Variants in MYBPC1 observed in about 807,000 individuals in gnomAD.
MYBPC1 encodes the protein myosin binding protein C1, also known as myosin-binding protein C, slow-type.
MYBPC1 carries 52 observed loss-of-function variants against 147.1 expected under a neutral mutation model. The ratio of observed to expected loss-of-function variants is 0.35; its 90% confidence interval spans 0.28 to 0.45. The LOEUF is 0.45. Among genes scored for constraint, MYBPC1 ranks in the 20% least tolerant of loss-of-function variants. The pLI, the probability that MYBPC1 is intolerant of heterozygous loss-of-function variation, is 1.00. For missense variants in MYBPC1, 1,228 were observed against 1,440.3 expected (o/e 0.85, Z 2.39); for synonymous variants, 477 against 475.9 (o/e 1.00, Z -0.03).
At chr12:101,695,407 T>C in the MYBPC1 span, among the ~76,000 whole-genome samples, 1 of 152,212 alleles carries the variant, frequency 6.6e-6, no homozygotes, top group Admixed American at 6.5e-5. Flanking sequence ...CTACTCAGAA[T>C]GGCATGCAAT....
At chr12:101,617,129 T>C (rs1421903084) in intron 2 of MYBPC1, 73 bp from the exon 3 acceptor site, 10 of 1,426,972 alleles carry the variant, frequency 7.0e-6, no homozygotes, top group Non-Finnish European at 9.9e-6. Context: ...CCTCCCCCTC[T>C]CCACCCCGTT....
At chr12:101,676,572 T>C (rs911498270) in intron 26 of MYBPC1, among the ~76,000 whole-genome samples, 2 of 151,822 alleles carry the variant, frequency 1.3e-5, no homozygotes, top group Admixed American at 6.6e-5. Context: ...CTGGACAACA[T>C]AGGGAGACCT....
chr12:101,647,637 C>T (rs1210555863), intron 13 of MYBPC1, among the ~76,000 whole-genome samples: 1 of 152,068 alleles, frequency 6.6e-6, no homozygotes, highest in African/African-American at 2.4e-5. Flanking sequence ...TCTATAATAC[C>T]AGCACTTTGG....
chr12:101,641,396 C>T (rs549246802), intron 10 of MYBPC1, among the ~76,000 whole-genome samples: 31 of 152,158 alleles, frequency 2.0e-4, no homozygotes, highest in Non-Finnish European at 3.5e-4. Context: ...TTATACTAAG[C>T]CTGTTTTCCA....
At chr12:101,605,719 G>A (rs1471019675) in intron 1 of MYBPC1, among the ~76,000 whole-genome samples, 5 of 151,998 alleles carry the variant, frequency 3.3e-5, no homozygotes, top group Non-Finnish European at 4.4e-5. Context: ...AAAATTAGCT[G>A]AGCGTGGTGG....
chr12:101,642,671 C>G (rs749378094), intron 11 of MYBPC1, 86 bp downstream of exon 11: 1 of 1,458,366 alleles, frequency 6.9e-7, no homozygotes, highest in Non-Finnish European at 9.3e-7. Flanking sequence ...CGAGCTCCTT[C>G]CAGTCTCCCG....
At chr12:101,656,087 C>G (rs1895493838) in intron 18 of MYBPC1, among the ~76,000 whole-genome samples, 1 of 152,012 alleles carries the variant, frequency 6.6e-6, no homozygotes, top group Non-Finnish European at 1.5e-5. Flanking sequence ...ACATGCACTA[C>G]TTGTGAACCA....
intron 1 of MYBPC1, 81 bp downstream of exon 1, chr12:101,595,176 A>G: frequency 8.3e-7 from 1 of 1,203,534 alleles, no homozygotes; most frequent in East Asian, 2.4e-5. Flanking sequence ...CAAATAACAA[A>G]TATCTTAACT....
At chr12:101,652,090 A>G (rs1183824285) in intron 16 of MYBPC1, among the ~76,000 whole-genome samples, 1 of 152,250 alleles carries the variant, frequency 6.6e-6, no homozygotes, top group Non-Finnish European at 1.5e-5. Context: ...GAATCTGGCA[A>G]AGATCTAAGG....
In MYBPC1 at chr12:101,644,621, G is replaced by A. The variant is rs561593735; in HGVS notation, c.833-43G>A. On this transcript the variant is annotated intron_variant, in intron 11 of 31. Transcript: ENST00000361466. ...TTGACTATTTAAATTCATAGCATATGTATACATATATTAACATACTTTTGC... is the reference window on the plus strand; with the variant it reads ...TTGACTATTTAAATTCATAGCATATATATACATATATTAACATACTTTTGC... 6 of 1,540,386 alleles carry A rather than the reference G, an allele frequency of 3.9e-6. No individual in the cohort carries two copies. The African/African-American group carries it at 6.8e-5, about 17-fold the overall frequency.
At position 101,660,579 on chromosome 12, in the gene MYBPC1, G is replaced by A. The variant is rs191125426; in HGVS notation, c.1928-579G>A. On this transcript the variant is annotated intron_variant, in intron 19 of 31. Coordinates refer to ENST00000361466, the MANE Select transcript of MYBPC1 (RefSeq NM_002465.4). Reference sequence around the variant, plus strand: ...TTGGAGACATCATTATTTTTATTTCGGGCAAGGGGTGGGCTCATCTTCCCT... The same window carrying A: ...TTGGAGACATCATTATTTTTATTTCAGGCAAGGGGTGGGCTCATCTTCCCT... 4.2e-3 allele frequency: 674 copies of A among 159,474 alleles called. 2 individuals carry two copies. The highest frequency in any genetic ancestry group is 6.9e-3 in the Non-Finnish European group (499 of 72,036). 9.9% of individuals were successfully genotyped at this position (159,474 alleles called of 1,614,324 possible). A position where few individuals can be genotyped will look rare whatever the true frequency, so the allele number is the denominator to read the frequency against.
At chr12:101,611,947 T>A (rs1008527153) in intron 1 of MYBPC1, among the ~76,000 whole-genome samples, 1 of 151,816 alleles carries the variant, frequency 6.6e-6, no homozygotes, top group African/African-American at 2.4e-5. Flanking sequence ...CATGGTGGCA[T>A]GCACCTATAG....
chr12:101,607,174 C>T (rs575235988), intron 1 of MYBPC1, among the ~76,000 whole-genome samples: 6 of 152,112 alleles, frequency 3.9e-5, no homozygotes, highest in Non-Finnish European at 8.8e-5. Flanking sequence ...TTATGAATGT[C>T]CCCATGAAAG....
chr12:101,683,989 TTGTC>T (rs1315030429), intron 30 of MYBPC1, among the ~76,000 whole-genome samples: 1 of 152,162 alleles, frequency 6.6e-6, no homozygotes, highest in African/African-American at 2.4e-5. Context: ...CACTAACACT[TTGTC>T]TATTGTCTAT....
chr12:101,609,355 A>G (rs555710096), intron 1 of MYBPC1, among the ~76,000 whole-genome samples: 1 of 152,150 alleles, frequency 6.6e-6, no homozygotes, highest in South Asian at 2.1e-4. Flanking sequence ...ATAGTGGTGC[A>G]ATCTTGACTC....
chr12:101,694,433 C>T, the MYBPC1 span, among the ~76,000 whole-genome samples: 7 of 152,240 alleles, frequency 4.6e-5, no homozygotes, highest in East Asian at 1.9e-4. Flanking sequence ...ATGTTGAAGC[C>T]GTAATCCTCC....
intron 12 of MYBPC1, 66 bp from the exon 13 acceptor site, chr12:101,646,697 T>C (rs886842465): frequency 1.8e-5 from 28 of 1,576,144 alleles, no homozygotes; most frequent in Non-Finnish European, 2.4e-5. Flanking sequence ...CCAAATTTGC[T>C]GGCAATAAAG....
intron 1 of MYBPC1, among the ~76,000 whole-genome samples, chr12:101,595,887 A>G (rs539854466): frequency 6.6e-6 from 1 of 152,272 alleles, no homozygotes; most frequent in African/African-American, 2.4e-5. Flanking sequence ...TAACAGAAGT[A>G]AATTGGAATT....
chr12:101,603,838 G>A (rs1012913034), intron 1 of MYBPC1, among the ~76,000 whole-genome samples: 1 of 152,210 alleles, frequency 6.6e-6, no homozygotes, highest in Non-Finnish European at 1.5e-5. Context: ...TTGGGAGGCT[G>A]AAGCAGGAGA....
Sources: gnomAD v4.1 joint callset for allele counts (sites outside exome capture counted in the v4.1 genomes callset) on GRCh38, gnomAD v4.1.1 for gene constraint, MANE v1.5 for transcripts, NCBI Gene and HGNC (gene_info 2026-07-23, HGNC 2026-07-21) for gene names.